Variants in ROBO2 observed in about 807,000 individuals in gnomAD.
ROBO2 encodes roundabout guidance receptor 2.
A neutral mutation model predicts 160.8 loss-of-function variants in ROBO2; 53 were observed. The ratio of observed to expected loss-of-function variants is 0.33; its 90% CI spans 0.26 to 0.41. The LOEUF (loss-of-function observed/expected upper bound fraction) is 0.41. Among genes scored for constraint, ROBO2 ranks in the 10% least tolerant of loss-of-function variants. The pLI, the probability that ROBO2 is intolerant of heterozygous loss-of-function variation, is 1.00. For missense variants in ROBO2, 1,577 were observed against 1,722.4 expected (o/e 0.92, Z 1.49); for synonymous variants, 664 against 611.7 (o/e 1.09, Z -1.26).
rs144834624 is a variant in ROBO2 at position 76,392,714 on chromosome 3, T to C, written c.109+455112T>C. Among the ~76,000 whole-genome samples, 52 of 152,340 alleles carry C rather than the reference T, an allele frequency of 3.4e-4. 1 individual carries two copies. Among genetic ancestry groups the C allele is most frequent in the Admixed American group, 2.9e-3 (44 of 15,306 alleles). On this transcript the variant is annotated intron_variant, in intron 2 of 26. Transcript: ENST00000487694. ...TAGTCATTTTTTGTTTTATAGAAGATAGATATGTTAGAAATATCAGAACAT... is the reference window on the plus strand; with the variant it reads ...TAGTCATTTTTTGTTTTATAGAAGACAGATATGTTAGAAATATCAGAACAT...
At position 76,755,346 on chromosome 3, in the gene ROBO2, G is replaced by A. The variant is rs147400959; in HGVS notation, c.110-342668G>A. The stretch of plus-strand genomic sequence containing the variant: ...CAGACCTCGTATTATTATAAAACCA[G>A]TAAGTGCTAAGAGACATCTACCCCA... On this transcript the variant is annotated intron_variant, in intron 2 of 26. Transcript: ENST00000487694. 3.0e-3 allele frequency among the ~76,000 whole-genome samples: 457 copies of A among 151,814 alleles called. 2 individuals are homozygous for A. The highest frequency in any genetic ancestry group is 0.01 in the African/African-American group (425 of 41,474).
intron 2 of ROBO2, among the ~76,000 whole-genome samples, chr3:77,240,341 C>G (rs1388438722): frequency 6.6e-6 from 1 of 152,172 alleles, no homozygotes; most frequent in East Asian, 1.9e-4. Flanking sequence ...TGCTAAGCCC[C>G]TCACTGCCCG....
intron 2 of ROBO2, among the ~76,000 whole-genome samples, chr3:76,689,046 AT>A (rs1281738244): frequency 6.6e-6 from 1 of 152,106 alleles, no homozygotes; most frequent in Non-Finnish European, 1.5e-5. Context: ...TGATTGAAAA[AT>A]AATACATAAT....
At chr3:76,357,156 G>A in intron 2 of ROBO2, among the ~76,000 whole-genome samples, 1 of 151,808 alleles carries the variant, frequency 6.6e-6, no homozygotes, top group Non-Finnish European at 1.5e-5. Context: ...ATACTACACA[G>A]CTGTTTAAAA....
intron 2 of ROBO2, among the ~76,000 whole-genome samples, chr3:76,886,677 T>C (rs1406593433): frequency 6.6e-6 from 1 of 151,884 alleles, no homozygotes; most frequent in East Asian, 1.9e-4. Flanking sequence ...TAATACTAGA[T>C]GACTAGAAAT....
chr3:76,223,026 A>G (rs1296654183), intron 2 of ROBO2, among the ~76,000 whole-genome samples: 1 of 151,730 alleles, frequency 6.6e-6, no homozygotes, highest in Non-Finnish European at 1.5e-5. Context: ...AAGTGCTGGT[A>G]TTTCAGGCAT....
intron 1 of ROBO2, among the ~76,000 whole-genome samples, chr3:77,064,572 G>C (rs1224403310): frequency 6.6e-6 from 1 of 151,662 alleles, no homozygotes; most frequent in Non-Finnish European, 1.5e-5. Flanking sequence ...TATTGGCCCG[G>C]CTGGTCTTGA....
intron 2 of ROBO2, chr3:75,937,678 G>C: frequency 1.1e-6 from 1 of 919,338 alleles, no homozygotes; most frequent in Non-Finnish European, 1.5e-6. Flanking sequence ...GTGAGTCTTT[G>C]GTTCGACGTT....
intron 2 of ROBO2, among the ~76,000 whole-genome samples, chr3:76,792,963 T>C (rs1196287404): frequency 2.0e-5 from 3 of 151,848 alleles, no homozygotes; most frequent in East Asian, 3.9e-4. Context: ...TCTTAAATTA[T>C]GCTATATTGA....
chr3:76,602,607 T>A (rs1302591191), intron 2 of ROBO2, among the ~76,000 whole-genome samples: 1 of 152,184 alleles, frequency 6.6e-6, no homozygotes, highest in East Asian at 1.9e-4. Flanking sequence ...CTCATTCACT[T>A]TCATAAGAAC....
intron 2 of ROBO2, among the ~76,000 whole-genome samples, chr3:76,615,005 A>C (rs7633929): frequency 0.95 from 143,823 of 152,134 alleles, 68,414 homozygotes; most frequent in East Asian, 1. Flanking sequence ...CAAAACTTAA[A>C]CAAGCTTTCA....
chr3:76,207,726 G>A (rs1368223082), intron 2 of ROBO2, among the ~76,000 whole-genome samples: 12 of 152,166 alleles, frequency 7.9e-5, no homozygotes, highest in South Asian at 6.2e-4. Flanking sequence ...AGAAGTGTCC[G>A]TAGGGATAAT....
At chr3:76,938,640 A>G (rs1215342412) in intron 2 of ROBO2, among the ~76,000 whole-genome samples, 1 of 151,946 alleles carries the variant, frequency 6.6e-6, no homozygotes, top group Non-Finnish European at 1.5e-5. Flanking sequence ...GAAAGGTTGG[A>G]TCTATGGAGC....
At chr3:77,235,821 G>C (rs1350613300) in intron 2 of ROBO2, among the ~76,000 whole-genome samples, 2 of 152,174 alleles carry the variant, frequency 1.3e-5, no homozygotes, top group African/African-American at 4.8e-5. Context: ...AAGGTATAGA[G>C]ATTTCCCATA....
chr3:77,070,491 A>G (rs184844537), intron 1 of ROBO2, among the ~76,000 whole-genome samples: 17 of 152,218 alleles, frequency 1.1e-4, no homozygotes, highest in Non-Finnish European at 2.1e-4. Flanking sequence ...GTATGATCTC[A>G]TCTCCATCCT....
intron 2 of ROBO2, among the ~76,000 whole-genome samples, chr3:76,902,865 T>C (rs2075330136): frequency 6.6e-6 from 1 of 151,956 alleles, no homozygotes; most frequent in Non-Finnish European, 1.5e-5. Context: ...ATTTCATTAA[T>C]AACACAAAAA....
Position 77,219,494 on chromosome 3 carries a change from T to TATAG in ROBO2, c.388+121157_388+121158insGATA, listed in dbSNP as rs1580115788. Among the ~76,000 whole-genome samples, 4 of 139,840 alleles carry TATAG rather than the reference T, an allele frequency of 2.9e-5. No individual in the cohort carries two copies. In the East Asian group the frequency reaches 8.2e-4, roughly 29 times the overall value. The allele number at this position is 139,840 out of a possible 152,430, so 91.7% of individuals were successfully genotyped here. On this transcript the variant is annotated intron_variant, in intron 2 of 25. Transcript: ENST00000461745. ...TATATATATATATATAATCTGTATA[T>TATAG]ATATATATATATATATATATCTGTG...
chr3:76,108,754 T>C (rs2070071159), intron 2 of ROBO2, among the ~76,000 whole-genome samples: 1 of 151,392 alleles, frequency 6.6e-6, no homozygotes, highest in African/African-American at 2.4e-5. Context: ...ATTCTGTTGA[T>C]AGAATTTAAC....
intron 2 of ROBO2, among the ~76,000 whole-genome samples, chr3:76,027,111 T>G (rs1194233532): frequency 6.6e-6 from 1 of 151,990 alleles, no homozygotes; most frequent in Non-Finnish European, 1.5e-5. Flanking sequence ...AGTTAGCATA[T>G]TTTTTCTTCT....
Sources: allele counts gnomAD v4.1 joint callset (sites outside exome capture counted in the v4.1 genomes callset), GRCh38; gene constraint gnomAD v4.1.1; transcripts MANE v1.5; gene names NCBI Gene and HGNC (gene_info 2026-07-23, HGNC 2026-07-21).